Variants in SLC45A4 observed in about 807,000 individuals in gnomAD.
SLC45A4 encodes the protein polyamine-transporter SLC45A4.
In SLC45A4, 32 loss-of-function variants were observed where a neutral mutation model predicts 63.7. The observed-to-expected ratio is 0.50, with a 90% CI of 0.38 to 0.67. The LOEUF (loss-of-function observed/expected upper bound fraction) is 0.67. Among genes scored for constraint, SLC45A4 ranks in the 30% least tolerant of loss-of-function variants. The pLI, the probability that SLC45A4 is intolerant of heterozygous loss-of-function variation, is 0.00. For synonymous variants in SLC45A4, 535 were observed against 510.0 expected (o/e 1.05, Z -0.66); for missense variants, 1,027 against 1,157.7 (o/e 0.89, Z 1.64).
intron 2 of SLC45A4, among the ~76,000 whole-genome samples, chr8:141,241,994 C>A (rs1827941916): frequency 6.6e-6 from 1 of 152,162 alleles, no homozygotes. Context: ...AGCGGGACAG[C>A]CCGAATCTCC....
rs1827249908 is a variant in SLC45A4, at chr8:141,229,868, T to A, written c.242-8103A>T. Among the ~76,000 whole-genome samples the A allele has an allele frequency of 6.6e-6, 1 of 152,088 alleles. No individual in the cohort carries two copies. The highest frequency in any genetic ancestry group is 2.1e-4 in the South Asian group (1 of 4,828). On this transcript the variant is annotated intron_variant, in intron 2 of 8. Transcript: ENST00000517878. The surrounding 1 kb of genome is among the most constrained non-coding windows in gnomAD (Gnocchi z 5.0). ...TGGGCTTTGAACGTGCTGCCCTGCA[T>A]GTAAAGGGGCACGCTGGGAAAGGTG...
In SLC45A4 at chr8:141,308,168, G is replaced by C. The variant is rs1333350009; in HGVS notation, c.-473C>G. The C allele has an allele frequency of 6.8e-6, 1 of 147,720 alleles. No individual in the cohort carries two copies. Among genetic ancestry groups the C allele is most frequent in the African/African-American group, 2.4e-5 (1 of 40,862 alleles). The allele number at this position is 147,720 out of a possible 1,614,324, so 9.2% of individuals were successfully genotyped here. ...GGCCGGGCAGGGGCTACGGGGGCGC[G>C]GAGCCCCGGGCGCACCGGGGTCGGG... On this transcript the variant is annotated 5_prime_UTR_variant, in exon 1 of 9. Transcript: ENST00000517878.
intron 1 of SLC45A4, among the ~76,000 whole-genome samples, chr8:141,288,250 C>T (rs1014880249): frequency 6.6e-6 from 1 of 152,198 alleles, no homozygotes; most frequent in African/African-American, 2.4e-5. Context: ...TGCCCTTGTG[C>T]AGCTCATTCA....
chr8:141,293,031 T>C (rs567204753), intron 1 of SLC45A4, among the ~76,000 whole-genome samples: 1 of 152,150 alleles, frequency 6.6e-6, no homozygotes, highest in Non-Finnish European at 1.5e-5. Flanking sequence ...GACACCCACA[T>C]GCATGGTGAC....
chr8:141,245,719 C>A (rs12682051), intron 2 of SLC45A4, among the ~76,000 whole-genome samples: 18,078 of 152,192 alleles, frequency 0.12, 1,375 homozygotes, highest in East Asian at 0.28. Flanking sequence ...AGCCTTAGGC[C>A]CAGGAGTCAA....
chr8:141,250,555 T>G (rs1485443593), intron 2 of SLC45A4, among the ~76,000 whole-genome samples: 1 of 152,086 alleles, frequency 6.6e-6, no homozygotes, highest in Non-Finnish European at 1.5e-5. Flanking sequence ...CCAGCTAATT[T>G]TTTATTTTTT....
rs1825756902 is a variant in SLC45A4 at position 141,210,717 on chromosome 8, T to G, written c.*855A>C. ...GAATGATCATATTGCAGCATGATTC[T>G]CATGCATTTCAAAGTACTTTATTTA... On this transcript the variant is annotated 3_prime_UTR_variant, in exon 9 of 9. Coordinates refer to ENST00000517878, the MANE Select transcript of SLC45A4 (RefSeq NM_001286646.2). 6.6e-6 allele frequency: 1 copy of G among 152,246 alleles called. No homozygotes were observed. The highest frequency in any genetic ancestry group is 1.5e-5 in the Non-Finnish European group (1 of 68,048). The allele number at this position is 152,246 out of a possible 1,614,324, so 9.4% of individuals were successfully genotyped here. A position where few individuals can be genotyped will look rare whatever the true frequency, so the allele number is the denominator to read the frequency against.
intron 1 of SLC45A4, among the ~76,000 whole-genome samples, chr8:141,274,155 G>C (rs921205849): frequency 2.6e-5 from 4 of 152,024 alleles, no homozygotes; most frequent in Non-Finnish European, 4.4e-5. Flanking sequence ...CGTGAACCTG[G>C]GAGACAGAGT....
In SLC45A4 at chr8:141,218,242, C is replaced by A. The variant is rs776385852; in HGVS notation, c.1398G>T (p.Arg466=). ...SDLYDMQKRQ[R]QHRHRNQSGA... ...CGCTCTGGTTCCGGTGCCGGTGCTG[C>A]CGCTGCCGCTTCTGCATGTCGTACA... Residue 466 remains arginine, a synonymous_variant, in exon 5 of 9, where the codon CGG becomes CGT. Coordinates refer to ENST00000517878, the MANE Select transcript of SLC45A4 (RefSeq NM_001286646.2). 1.2e-6 allele frequency: 2 copies of A among 1,601,906 alleles called. No homozygotes were observed. Among genetic ancestry groups the A allele is most frequent in the Non-Finnish European group, 1.7e-6 (2 of 1,179,626 alleles).
rs1825854520 is a variant in SLC45A4, at chr8:141,212,086, C to CT, written c.2301+110_2301+111insA. 9.1e-6 allele frequency: 13 copies of CT among 1,420,910 alleles called. No individual in the cohort carries two copies. In the South Asian group the frequency reaches 2.0e-4, roughly 22 times the overall value. 88.0% of individuals were successfully genotyped at this position (1,420,910 alleles called of 1,614,324 possible). A position where few individuals can be genotyped will look rare whatever the true frequency, so the allele number is the denominator to read the frequency against. ...GCCCGCACTGCCGGGTCGGCCACAG[C>CT]ATCTGCAGGGTTCCGCGGTGTCTCT... On this transcript the variant is annotated intron_variant, in intron 8 of 8. Transcript: ENST00000517878.
intron 2 of SLC45A4, 134 bp from the exon 3 acceptor site, chr8:141,221,899 C>T (rs1826664501): frequency 1.1e-6 from 1 of 920,170 alleles, no homozygotes; most frequent in East Asian, 2.6e-5. Flanking sequence ...CAGGTTGTCT[C>T]CACGGGGTAG....
At chr8:141,300,154 A>C (rs1299969006) in intron 1 of SLC45A4, among the ~76,000 whole-genome samples, 1 of 152,204 alleles carries the variant, frequency 6.6e-6, no homozygotes, top group Non-Finnish European at 1.5e-5. Context: ...CCCTGAGGAC[A>C]GAAGACAGGT....
At chr8:141,246,889 A>G (rs1259936894) in intron 2 of SLC45A4, among the ~76,000 whole-genome samples, 1 of 152,252 alleles carries the variant, frequency 6.6e-6, no homozygotes, top group Non-Finnish European at 1.5e-5. Context: ...CTGAGGCAGG[A>G]GGATTGCTTG....
rs138416471 is a variant in SLC45A4, at chr8:141,219,721, C to A, written c.539G>T (p.Arg180Leu). The change falls in exon 4 of 9, where the codon CGT becomes CTT. Residue 180 changes from arginine (R) to leucine (L), a missense_variant. By Grantham distance (102) the Arg-to-Leu change is moderately radical (BLOSUM62 -2). Transcript: ENST00000517878. ...GTCCACCACGTCCAGCAGATAGGCACGGATGGGCCCCTCGGTGGCATCGGC... is the reference window on the plus strand; with the variant it reads ...GTCCACCACGTCCAGCAGATAGGCAAGGATGGGCCCCTCGGTGGCATCGGC... ...FSADATEGPI[R>L]AYLLDVVDSE... The A allele has an allele frequency of 6.2e-7, 1 of 1,610,466 alleles. No individual in the cohort carries two copies. The highest frequency in any genetic ancestry group is 8.5e-7 in the Non-Finnish European group (1 of 1,178,664).
chr8:141,302,562 C>T (rs1312081543), intron 1 of SLC45A4, among the ~76,000 whole-genome samples: 1 of 152,170 alleles, frequency 6.6e-6, no homozygotes, highest in South Asian at 2.1e-4. Flanking sequence ...GAACTCCTGA[C>T]GTCAGGTGAT....
intron 1 of SLC45A4, among the ~76,000 whole-genome samples, chr8:141,295,903 G>A (rs976397314): frequency 6.6e-6 from 1 of 152,262 alleles, no homozygotes; most frequent in Admixed American, 6.5e-5. Flanking sequence ...TGGTGCTGGA[G>A]CCCTTGCCCC....
intron 2 of SLC45A4, among the ~76,000 whole-genome samples, chr8:141,242,615 C>T (rs1243924309): frequency 1.3e-5 from 2 of 152,212 alleles, no homozygotes; most frequent in Non-Finnish European, 2.9e-5. Flanking sequence ...TCCCGTGGTA[C>T]ATCGGTGAGT....
intron 1 of SLC45A4, among the ~76,000 whole-genome samples, chr8:141,293,664 G>C (rs1202671681): frequency 6.6e-6 from 1 of 152,138 alleles, no homozygotes; most frequent in Non-Finnish European, 1.5e-5. Context: ...CGGGAGCAGT[G>C]GCTCATGCCT....
chr8:141,286,816 T>C (rs1830165878), intron 1 of SLC45A4, among the ~76,000 whole-genome samples: 1 of 144,518 alleles, frequency 6.9e-6, no homozygotes, highest in Non-Finnish European at 1.5e-5. Context: ...AGTTCAAGAC[T>C]TGGGAAAAAT....
Sources: allele counts gnomAD v4.1 joint callset (sites outside exome capture counted in the v4.1 genomes callset), GRCh38; gene constraint gnomAD v4.1.1; non-coding constraint Gnocchi (gnomAD v3.1); transcripts MANE v1.5; gene names NCBI Gene and HGNC (gene_info 2026-07-23, HGNC 2026-07-21).